The following ADAMTSL1 variants were observed in gnomAD, a reference collection of about 807,000 sequenced individuals.
ADAMTSL1 encodes the protein ADAMTS-like protein 1.
In ADAMTSL1, 126 loss-of-function variants were observed where a neutral mutation model predicts 201.8. The ratio of observed to expected loss-of-function variants is 0.62; its 90% CI spans 0.54 to 0.72. ADAMTSL1 has a LOEUF of 0.72. Ranked by LOEUF, ADAMTSL1 falls within the 30% of genes least tolerant of loss-of-function variation. ADAMTSL1 has a pLI of 0.00. For synonymous variants in ADAMTSL1, 1,121 were observed against 903.4 expected (o/e 1.24, Z -4.32); for missense variants, 2,679 against 2,277.8 (o/e 1.18, Z -3.59).
At chr9:18,008,169 G>A (rs1021114528) in intron 1 of ADAMTSL1, among the ~76,000 whole-genome samples, 5 of 151,880 alleles carry the variant, frequency 3.3e-5, no homozygotes, top group African/African-American at 1.2e-4. Context: ...TTTTGCTGAG[G>A]CAATTTACTC....
At chr9:18,212,772 T>G (rs1829924703) in intron 2 of ADAMTSL1, among the ~76,000 whole-genome samples, 1 of 152,136 alleles carries the variant, frequency 6.6e-6, no homozygotes, top group Non-Finnish European at 1.5e-5. Flanking sequence ...CTAGGGTGCC[T>G]TTTGCCTTTT....
intron 9 of ADAMTSL1, among the ~76,000 whole-genome samples, chr9:18,673,987 T>C (rs1829980419): frequency 6.6e-6 from 1 of 152,054 alleles, no homozygotes; most frequent in Non-Finnish European, 1.5e-5. Flanking sequence ...GATGTTAGAA[T>C]GATTGTAACA....
chr9:18,759,672 TG>T (rs1396316370), intron 16 of ADAMTSL1, among the ~76,000 whole-genome samples: 1 of 152,176 alleles, frequency 6.6e-6, no homozygotes, highest in Admixed American at 6.5e-5. Flanking sequence ...CACATGTGGT[TG>T]TTTTTGTTTG....
chr9:18,633,638 C>CTTTTTTT (rs58807960), intron 5 of ADAMTSL1, among the ~76,000 whole-genome samples: 1 of 123,792 alleles, frequency 8.1e-6, no homozygotes, highest in Admixed American at 8.5e-5. Context: ...CTAATCTTAA[C>CTTTTTTT]TTTTTTTTTT....
chr9:18,258,059 A>T (rs13298867), intron 2 of ADAMTSL1, among the ~76,000 whole-genome samples: 15,411 of 152,286 alleles, frequency 0.1, 829 homozygotes, highest in Middle Eastern at 0.14. Context: ...CTGCACAACA[A>T]TGTGAATGAA....
intron 4 of ADAMTSL1, among the ~76,000 whole-genome samples, chr9:18,581,841 G>A (rs768444696): frequency 6.6e-6 from 1 of 152,148 alleles, no homozygotes; most frequent in African/African-American, 2.4e-5. Context: ...CAATCTATGT[G>A]CCTGCCAAGG....
intron 2 of ADAMTSL1, among the ~76,000 whole-genome samples, chr9:18,284,704 A>C (rs1402389000): frequency 6.6e-6 from 1 of 152,258 alleles, no homozygotes; most frequent in East Asian, 1.9e-4. Flanking sequence ...CTATTATTTC[A>C]TAACCCAAAG....
intron 1 of ADAMTSL1, among the ~76,000 whole-genome samples, chr9:18,139,836 C>T (rs1395589612): frequency 6.6e-6 from 1 of 152,070 alleles, no homozygotes; most frequent in Non-Finnish European, 1.5e-5. Flanking sequence ...GGTTCATCCC[C>T]TAAATTAAAA....
chr9:18,309,440 A>G (rs1834031189), intron 2 of ADAMTSL1, among the ~76,000 whole-genome samples: 2 of 152,162 alleles, frequency 1.3e-5, no homozygotes, highest in South Asian at 4.2e-4. Context: ...AGAAAACCCC[A>G]TCATCTCAGC....
chr9:18,539,320 A>T (rs1819986644), intron 3 of ADAMTSL1, among the ~76,000 whole-genome samples: 2 of 152,180 alleles, frequency 1.3e-5, no homozygotes, highest in South Asian at 4.1e-4. Context: ...GAAAAGACAA[A>T]TACACAAACA....
chr9:18,815,885 G>C (rs761451753), intron 20 of ADAMTSL1, among the ~76,000 whole-genome samples: 25 of 151,982 alleles, frequency 1.6e-4, no homozygotes, highest in Non-Finnish European at 3.1e-4. Flanking sequence ...CATAATAATT[G>C]TACATATTTA....
At chr9:18,614,099 A>G (rs1378197039) in intron 4 of ADAMTSL1, among the ~76,000 whole-genome samples, 1 of 152,212 alleles carries the variant, frequency 6.6e-6, no homozygotes, top group Non-Finnish European at 1.5e-5. Flanking sequence ...TTTGAAGAAC[A>G]GCAAAGAGAC....
rs1432726103 is a variant in ADAMTSL1 at position 18,572,051 on chromosome 9, T to C, written c.238-1979T>C. ...CTACTAAAAATATAAAAAAATGAGC[T>C]GGGTGTGGGGGCACATGCCTGTAAT... On this transcript the variant is annotated intron_variant, in intron 3 of 28. Coordinates refer to ENST00000380548, the MANE Select transcript of ADAMTSL1 (RefSeq NM_001040272.6). Among the ~76,000 whole-genome samples, 4 of 152,062 alleles carry C rather than the reference T, an allele frequency of 2.6e-5. No individual in the cohort carries two copies. The East Asian group carries it at 7.8e-4, about 30-fold the overall frequency.
At chr9:17,929,493 G>A (rs887771549) in intron 1 of ADAMTSL1, among the ~76,000 whole-genome samples, 3 of 152,000 alleles carry the variant, frequency 2.0e-5, no homozygotes, top group South Asian at 2.1e-4. Context: ...GCCTGATCCA[G>A]CCCCTGCCTA....
In ADAMTSL1 at chr9:18,680,681, C is replaced by T. The variant is rs1412672; in HGVS notation, c.1341+165C>T. On this transcript the variant is annotated intron_variant, in intron 11 of 28. Transcript: ENST00000380548. ...AGGAATGCCCCAAATCCAGCATGAC[C>T]AAAAGTAAATGATGTTTTTTTAAAG... The T allele has an allele frequency of 7.5e-4, 500 of 663,802 alleles. 3 individuals are homozygous for T. In the African/African-American group the frequency reaches 7.9e-3, roughly 10 times the overall value. The allele number at this position is 663,802 out of a possible 1,614,324, so 41.1% of individuals were successfully genotyped here.
At chr9:17,949,413 C>G (rs765832402) in intron 1 of ADAMTSL1, among the ~76,000 whole-genome samples, 1 of 152,148 alleles carries the variant, frequency 6.6e-6, no homozygotes, top group Non-Finnish European at 1.5e-5. Context: ...TAGGTTATCT[C>G]CACTATTAAG....
At chr9:18,855,314 A>G (rs1563861519) in intron 23 of ADAMTSL1, among the ~76,000 whole-genome samples, 1 of 152,186 alleles carries the variant, frequency 6.6e-6, no homozygotes, top group South Asian at 2.1e-4. Flanking sequence ...TGGGAGAAAC[A>G]TTTTGCCAGA....
At chr9:18,710,641 G>T (rs568793065) in intron 14 of ADAMTSL1, among the ~76,000 whole-genome samples, 1 of 135,392 alleles carries the variant, frequency 7.4e-6, no homozygotes, top group African/African-American at 2.7e-5. Flanking sequence ...CCCATTCCTT[G>T]CAGTCTTAGA....
chr9:18,711,796 G>A (rs1426947838), intron 14 of ADAMTSL1, among the ~76,000 whole-genome samples: 2 of 151,728 alleles, frequency 1.3e-5, no homozygotes, highest in Non-Finnish European at 3.0e-5. Flanking sequence ...TGGGGGCAGG[G>A]CACAGACAAA....
Sources: allele counts gnomAD v4.1 joint callset (sites outside exome capture counted in the v4.1 genomes callset), GRCh38; gene constraint gnomAD v4.1.1; transcripts MANE v1.5; gene names NCBI Gene and HGNC (gene_info 2026-07-23, HGNC 2026-07-21).